Variants in ARHGEF28 observed in about 807,000 individuals in gnomAD.
ARHGEF28 encodes the protein 190 kDa guanine nucleotide exchange factor.
In ARHGEF28, 152 loss-of-function variants were observed where a neutral mutation model predicts 206.6. The ratio of observed to expected loss-of-function variants is 0.74; its 90% CI spans 0.64 to 0.84. ARHGEF28 has a LOEUF of 0.84. ARHGEF28 is among the 40% of genes least tolerant of loss of function. The pLI is 0.00. For synonymous variants in ARHGEF28, 763 were observed against 776.4 expected, an observed-to-expected ratio of 0.98 and a Z score of 0.29; for missense variants, 2,028 against 2,073.2, an observed-to-expected ratio of 0.98 and a Z score of 0.42.
At chr5:73,775,876 T>A (rs963875173) in intron 5 of ARHGEF28, among the ~76,000 whole-genome samples, 1 of 87,062 alleles carries the variant, frequency 1.1e-5, no homozygotes, top group Admixed American at 1.1e-4. Context: ...TAAGTGTATA[T>A]TCAAGTCTTG....
rs1186127292 is a variant in ARHGEF28 at position 73,892,330 on chromosome 5, A to G, written c.3566+100A>G. The G allele has an allele frequency of 2.2e-6, 3 of 1,380,158 alleles. No homozygotes were observed. The Admixed American group carries it at 6.6e-5, about 30-fold the overall frequency. 85.5% of individuals were successfully genotyped at this position (1,380,158 alleles called of 1,614,324 possible). A position where few individuals can be genotyped will look rare whatever the true frequency, so the allele number is the denominator to read the frequency against. Reference sequence around the variant, plus strand: ...TGCATGAAAACTTTGCCTCTGCCAGAATGGTCTGCCCCCTGCCCCCTGCAC... The same window carrying G: ...TGCATGAAAACTTTGCCTCTGCCAGGATGGTCTGCCCCCTGCCCCCTGCAC... On this transcript the variant is annotated intron_variant, in intron 27 of 35. Transcript: ENST00000513042.
At chr5:73,933,714 T>C (rs1255364272) in intron 35 of ARHGEF28, among the ~76,000 whole-genome samples, 5 of 152,170 alleles carry the variant, frequency 3.3e-5, no homozygotes, top group African/African-American at 9.7e-5. Context: ...TTTTCTCTCT[T>C]CTCTTGCATT....
chr5:73,761,482 T>C (rs1000049442), intron 4 of ARHGEF28, among the ~76,000 whole-genome samples: 1 of 152,050 alleles, frequency 6.6e-6, no homozygotes, highest in Non-Finnish European at 1.5e-5. Context: ...CCAGAAGAGA[T>C]GGTACATTCT....
intron 4 of ARHGEF28, among the ~76,000 whole-genome samples, chr5:73,767,109 C>A (rs906828330): frequency 3.9e-5 from 6 of 152,162 alleles, no homozygotes; most frequent in Non-Finnish European, 7.3e-5. Flanking sequence ...GTAAGAAGTG[C>A]CTTTTGCCTT....
intron 30 of ARHGEF28, chr5:73,900,821 C>A: frequency 5.6e-6 from 1 of 178,694 alleles, no homozygotes; most frequent in Non-Finnish European, 1.2e-5. Flanking sequence ...TCTACAGCAC[C>A]TGTTTTAAAT....
At chr5:73,742,826 G>T (rs928171797) in intron 2 of ARHGEF28, among the ~76,000 whole-genome samples, 1 of 123,218 alleles carries the variant, frequency 8.1e-6, no homozygotes, top group Admixed American at 9.4e-5. Context: ...GCGAGACTCC[G>T]TCTCAAAAAA....
At chr5:73,697,118 G>A (rs552561578) in intron 2 of ARHGEF28, among the ~76,000 whole-genome samples, 218 of 152,270 alleles carry the variant, frequency 1.4e-3, no homozygotes, top group African/African-American at 5.0e-3. Flanking sequence ...AAGTCTTTTC[G>A]AGGTAGACAA....
chr5:73,857,715 A>T lies in ARHGEF28; in HGVS notation c.1850A>T (p.Tyr617Phe). 15 of 1,611,700 alleles carry T rather than the reference A, an allele frequency of 9.3e-6. No homozygotes were observed. Among genetic ancestry groups the T allele is most frequent in the Non-Finnish European group, 1.3e-5 (15 of 1,178,696 alleles). Residue 617 changes from tyrosine to phenylalanine, a missense_variant, in exon 15 of 36, where the codon TAT becomes TTT. Transcript: ENST00000513042. ...IIPAKSESEK[Y>F]KVSRTFSFLM... Reference sequence around the variant, plus strand: ...CCTGCCAAATCAGAGTCTGAAAAATATAAAGTGAGTCGAACTTTCAGTTTC... The same window carrying T: ...CCTGCCAAATCAGAGTCTGAAAAATTTAAAGTGAGTCGAACTTTCAGTTTC...
chr5:73,923,908 A>G (rs558034212), intron 35 of ARHGEF28, among the ~76,000 whole-genome samples: 1 of 152,304 alleles, frequency 6.6e-6, no homozygotes, highest in South Asian at 2.1e-4. Context: ...GTCAAAAATG[A>G]TGTTGCTTAG....
At chr5:73,756,725 G>A (rs991029420) in intron 4 of ARHGEF28, among the ~76,000 whole-genome samples, 1 of 151,952 alleles carries the variant, frequency 6.6e-6, no homozygotes, top group African/African-American at 2.4e-5. Context: ...ATTATTCCAC[G>A]TTAAAAAAAA....
chr5:73,811,503 C>T (rs568015634), intron 9 of ARHGEF28, among the ~76,000 whole-genome samples: 47 of 152,298 alleles, frequency 3.1e-4, no homozygotes, highest in African/African-American at 1.0e-3. Flanking sequence ...TTGCCTACAG[C>T]GTCCTAGGCA....
intron 4 of ARHGEF28, among the ~76,000 whole-genome samples, chr5:73,763,679 G>A (rs543760062): frequency 1.3e-5 from 2 of 152,166 alleles, no homozygotes; most frequent in South Asian, 4.1e-4. Context: ...TTGGCTATCA[G>A]CAAATATCTG....
In ARHGEF28 at chr5:73,846,391, G is replaced by A; in HGVS notation, c.1551G>A (p.Leu517=). ...CTGGGATTCCTAGTGGGGATGAATTGGACTCTTTTGAGACTAACACTGAAC... is the reference window on the plus strand; with the variant it reads ...CTGGGATTCCTAGTGGGGATGAATTAGACTCTTTTGAGACTAACACTGAAC... The part of the protein sequence containing the change: ...SRTGIPSGDE[L]DSFETNTEPD... The change falls in exon 12 of 36, where the codon TTG becomes TTA. Residue 517 remains leucine (L), a synonymous_variant. Coordinates refer to ENST00000513042, the MANE Select transcript of ARHGEF28 (RefSeq NM_001177693.2). 6.2e-7 allele frequency: 1 copy of A among 1,613,886 alleles called. No homozygotes were observed. The highest frequency in any genetic ancestry group is 8.5e-7 in the Non-Finnish European group (1 of 1,179,848).
intron 2 of ARHGEF28, among the ~76,000 whole-genome samples, chr5:73,727,516 A>C (rs1750348369): frequency 6.6e-6 from 1 of 152,298 alleles, no homozygotes; most frequent in East Asian, 1.9e-4. Context: ...ACTTTCCTGG[A>C]TAAGGAAGAG....
At chr5:73,649,874 G>A (rs370705027) in intron 1 of ARHGEF28, among the ~76,000 whole-genome samples, 61 of 152,206 alleles carry the variant, frequency 4.0e-4, no homozygotes, top group East Asian at 1.5e-3. Context: ...CGAGCCCTTC[G>A]TCCCTCTGCA....
chr5:73,701,943 T>C (rs1748631618), intron 2 of ARHGEF28, among the ~76,000 whole-genome samples: 1 of 152,230 alleles, frequency 6.6e-6, no homozygotes, highest in Non-Finnish European at 1.5e-5. Context: ...AAAACTGCTA[T>C]GGACAATTGT....
rs1476235987 is a variant in ARHGEF28 at position 73,864,836 on chromosome 5, C to T, written c.2067C>T (p.His689=). 1 of 1,612,926 alleles carries T rather than the reference C, an allele frequency of 6.2e-7. No homozygotes were observed. Among genetic ancestry groups the T allele is most frequent in the Non-Finnish European group, 8.5e-7 (1 of 1,179,368 alleles). The part of the protein sequence containing the change: ...LQCSNCNANV[H]KGCKDAAPAC... ...TTTCAGACTGTAATGCAAATGTGCA[C>T]AAAGGTTGTAAAGATGCTGCGCCTG... The change falls in exon 17 of 36, where the codon CAC becomes CAT. Residue 689 remains histidine (H), a synonymous_variant. Transcript: ENST00000513042.
At chr5:73,815,580 C>G (rs933490877) in intron 9 of ARHGEF28, among the ~76,000 whole-genome samples, 1 of 152,212 alleles carries the variant, frequency 6.6e-6, no homozygotes, top group South Asian at 2.1e-4. Flanking sequence ...GGGTTGTAAT[C>G]TGCTTTATTT....
At chr5:73,729,625 G>T (rs1265586092) in intron 2 of ARHGEF28, among the ~76,000 whole-genome samples, 2 of 152,182 alleles carry the variant, frequency 1.3e-5, no homozygotes, top group Non-Finnish European at 2.9e-5. Context: ...TACACAGAAT[G>T]TGTTAGATTT....
Sources: gnomAD v4.1 joint callset for allele counts (sites outside exome capture counted in the v4.1 genomes callset) on GRCh38, gnomAD v4.1.1 for gene constraint, MANE v1.5 for transcripts, NCBI Gene and HGNC (gene_info 2026-07-23, HGNC 2026-07-21) for gene names.